Variants in TNRC6B observed in about 807,000 individuals in gnomAD.
TNRC6B encodes the protein trinucleotide repeat-containing gene 6B protein.
In TNRC6B, 52 loss-of-function variants were observed where a neutral mutation model predicts 203.6. The observed-to-expected ratio is 0.26, with a 90% confidence interval of 0.20 to 0.32. The LOEUF (loss-of-function observed/expected upper bound fraction) is 0.32. Ranked by LOEUF, TNRC6B falls within the 10% of genes least tolerant of loss-of-function variation. The pLI, the probability that TNRC6B is intolerant of heterozygous loss-of-function variation, is 1.00. For missense variants in TNRC6B, 1,923 were observed against 2,286.2 expected (o/e 0.84, Z 3.24); for synonymous variants, 838 against 845.7 (o/e 0.99, Z 0.16).
At chr22:40,286,176 TA>T (rs1251423531) in intron 12 of TNRC6B, among the ~76,000 whole-genome samples, 3 of 152,128 alleles carry the variant, frequency 2.0e-5, no homozygotes, top group Non-Finnish European at 4.4e-5. Flanking sequence ...CACCCAAAGA[TA>T]AAAAGAGAAT....
intron 1 of TNRC6B, among the ~76,000 whole-genome samples, chr22:40,048,706 T>G (rs140744440): frequency 5.3e-5 from 8 of 152,338 alleles, no homozygotes; most frequent in African/African-American, 1.9e-4. Flanking sequence ...GTTCTGTGAA[T>G]GTTCACACAT....
At chr22:40,251,272 G>T in intron 3 of TNRC6B, 72 bp downstream of exon 3, 2 of 1,239,000 alleles carry the variant, frequency 1.6e-6, no homozygotes, top group Non-Finnish European at 2.2e-6. Flanking sequence ...TGCTGACTCA[G>T]CCTCCAATCC....
chr22:40,322,512 C>T (rs139910601), intron 22 of TNRC6B, among the ~76,000 whole-genome samples: 9 of 152,320 alleles, frequency 5.9e-5, no homozygotes, highest in South Asian at 2.1e-4. Context: ...CAGACACACA[C>T]GTTTTTCTTG....
chr22:40,068,373 A>G (rs1404677203), intron 1 of TNRC6B, among the ~76,000 whole-genome samples: 1 of 152,116 alleles, frequency 6.6e-6, no homozygotes, highest in African/African-American at 2.4e-5. Context: ...GCTGGAGTGC[A>G]GTGGCGCAAT....
At position 40,066,135 on chromosome 22, in the gene TNRC6B, G is replaced by A. The variant is rs762067491; in HGVS notation, c.-121+21137G>A. The stretch of plus-strand genomic sequence containing the variant: ...AAAGGTATTCCTCTGAGTTCCCCCT[G>A]GGTTTCCCTCCCTGTTCTGTGACTG... On this transcript the variant is annotated intron_variant, in intron 1 of 23. Coordinates refer to the TNRC6B transcript ENST00000301923. 2.6e-5 allele frequency among the ~76,000 whole-genome samples: 4 copies of A among 152,126 alleles called. 1 individual carries two copies. The highest frequency in any genetic ancestry group is 3.4e-3 in the Middle Eastern group (1 of 294).
At chr22:40,062,225 G>A (rs530537452) in intron 1 of TNRC6B, among the ~76,000 whole-genome samples, 2 of 151,918 alleles carry the variant, frequency 1.3e-5, no homozygotes, top group Non-Finnish European at 2.9e-5. Flanking sequence ...TTTTGAGATA[G>A]AGTCTCACTC....
intron 1 of TNRC6B, among the ~76,000 whole-genome samples, chr22:40,102,268 T>C (rs1378357222): frequency 6.6e-6 from 1 of 152,212 alleles, no homozygotes; most frequent in Non-Finnish European, 1.5e-5. Context: ...TAAATGCAGA[T>C]GAGGCCAAAG....
Position 40,310,851 on chromosome 22 carries a change from G to T in TNRC6B, c.4293G>T (p.Gly1431=). Reference sequence around the variant, plus strand: ...TGGCCCCTGGTAAAACCCGGGGAGGGTCACCGTACAACCAGTTTGATATCA... The same window carrying T: ...TGGCCCCTGGTAAAACCCGGGGAGGTTCACCGTACAACCAGTTTGATATCA... ...AIVAPGKTRG[G]SPYNQFDIIP... Residue 1431 remains glycine, a synonymous_variant, in exon 17 of 23, where the codon GGG becomes GGT. Transcript: ENST00000454349. The T allele has an allele frequency of 6.2e-7, 1 of 1,612,890 alleles. No homozygotes were observed. Among genetic ancestry groups the T allele is most frequent in the African/African-American group, 1.3e-5 (1 of 75,000 alleles).
intron 3 of TNRC6B, among the ~76,000 whole-genome samples, chr22:40,131,119 A>G (rs2068540732): frequency 6.6e-6 from 1 of 151,990 alleles, no homozygotes; most frequent in Admixed American, 6.6e-5. Context: ...ACGGGGTTTC[A>G]GCGTGTTAGC....
intron 1 of TNRC6B, among the ~76,000 whole-genome samples, chr22:40,206,798 G>A (rs1325769299): frequency 6.6e-6 from 1 of 152,144 alleles, no homozygotes; most frequent in Non-Finnish European, 1.5e-5. Context: ...CTGACAGTAG[G>A]GAGAGGCGAC....
At chr22:40,186,459 T>TCCAGGCAC (rs2069204362) in intron 1 of TNRC6B, among the ~76,000 whole-genome samples, 1 of 151,492 alleles carries the variant, frequency 6.6e-6, no homozygotes, top group Non-Finnish European at 1.5e-5. Context: ...AAGTAAACAG[T>TCCAGGCAC]CCAGGCACGG....
chr22:40,246,339 G>A lies in TNRC6B; in HGVS notation c.93+237G>A, dbSNP rs770415807. 13 of 260,392 alleles carry A rather than the reference G, an allele frequency of 5.0e-5. No homozygotes were observed. In the Admixed American group the frequency reaches 5.7e-4, roughly 11 times the overall value. The allele number at this position is 260,392 out of a possible 1,614,324, so 16.1% of individuals were successfully genotyped here. A position where few individuals can be genotyped will look rare whatever the true frequency, so the allele number is the denominator to read the frequency against. ...TGAGTAGCTGGGATTACAGGTGCAC[G>A]CCACCACGCCTGGCTAATTTTTGTG... On this transcript the variant is annotated intron_variant, in intron 2 of 22. Transcript: ENST00000454349.
intron 1 of TNRC6B, among the ~76,000 whole-genome samples, chr22:40,108,363 G>T (rs1478208921): frequency 6.6e-6 from 1 of 152,186 alleles, no homozygotes; most frequent in Non-Finnish European, 1.5e-5. Context: ...GGTTAGCTTG[G>T]TTATAGGTGA....
intron 1 of TNRC6B, among the ~76,000 whole-genome samples, chr22:40,072,557 A>G (rs1256442250): frequency 6.6e-6 from 1 of 152,176 alleles, no homozygotes. Flanking sequence ...TTTATTGAGC[A>G]CTAACTTAGT....
At chr22:40,048,340 A>G (rs1240074752) in intron 1 of TNRC6B, among the ~76,000 whole-genome samples, 1 of 152,128 alleles carries the variant, frequency 6.6e-6, no homozygotes, top group African/African-American at 2.4e-5. Context: ...GGAGATCAAG[A>G]CCATTCTGGC....
intron 7 of TNRC6B, among the ~76,000 whole-genome samples, chr22:40,274,443 C>A (rs554823083): frequency 6.9e-6 from 1 of 143,994 alleles, no homozygotes; most frequent in Non-Finnish European, 1.5e-5. Context: ...TTTTTTGAGA[C>A]GGAGTCTTGC....
chr22:40,292,331 C>T (rs1412735627), intron 12 of TNRC6B, among the ~76,000 whole-genome samples: 4 of 143,258 alleles, frequency 2.8e-5, no homozygotes, highest in Admixed American at 7.4e-5. Context: ...CTAGCCTGGG[C>T]GACAGAGTGA....
At chr22:40,295,240 C>T (rs2070923221) in intron 12 of TNRC6B, among the ~76,000 whole-genome samples, 1 of 152,118 alleles carries the variant, frequency 6.6e-6, no homozygotes, top group Non-Finnish European at 1.5e-5. Context: ...TTTCGGGAGT[C>T]CGAGGTGGGT....
intron 1 of TNRC6B, chr22:40,106,862 T>G (rs2068287829): frequency 9.6e-7 from 1 of 1,043,002 alleles, no homozygotes; most frequent in Non-Finnish European, 1.5e-6. Flanking sequence ...CATTCGAATT[T>G]CAGTTCTGTC....
Sources: gnomAD v4.1 joint callset for allele counts (sites outside exome capture counted in the v4.1 genomes callset) on GRCh38, gnomAD v4.1.1 for gene constraint, MANE v1.5 for transcripts, NCBI Gene and HGNC (gene_info 2026-07-23, HGNC 2026-07-21) for gene names.